Variants in RNF214 observed in about 807,000 individuals in gnomAD.
RNF214 encodes ring finger protein 214.
In RNF214, 25 loss-of-function variants were observed where a neutral mutation model predicts 75.9. That is an observed-to-expected ratio of 0.33 (90% CI 0.24 to 0.46). The LOEUF (loss-of-function observed/expected upper bound fraction) is 0.46. Ranked by LOEUF, RNF214 falls within the 20% of genes least tolerant of loss-of-function variation. The pLI, the probability that RNF214 is intolerant of heterozygous loss-of-function variation, is 1.00. For synonymous variants in RNF214, 314 were observed against 308.8 expected, an observed-to-expected ratio of 1.02 and a Z score of -0.18; for missense variants, 725 against 857.5, an observed-to-expected ratio of 0.85 and a Z score of 1.93.
At chr11:117,276,240 A>C (rs946775964) in intron 6 of RNF214, among the ~76,000 whole-genome samples, 1 of 152,204 alleles carries the variant, frequency 6.6e-6, no homozygotes, top group Non-Finnish European at 1.5e-5. Context: ...ATACCTCAAA[A>C]TAATAAAAGC....
chr11:117,264,320 C>T (rs896275159), intron 6 of RNF214, among the ~76,000 whole-genome samples: 5 of 151,192 alleles, frequency 3.3e-5, no homozygotes, highest in Admixed American at 6.6e-5. Flanking sequence ...GAGACTCCAT[C>T]TCAAAAAAAA....
chr11:117,233,243 C>T (rs1317601602), intron 1 of RNF214, among the ~76,000 whole-genome samples: 2 of 152,180 alleles, frequency 1.3e-5, no homozygotes, highest in African/African-American at 4.8e-5. Flanking sequence ...CCCCCCAGCC[C>T]TGGGCTATGT....
intron 5 of RNF214, 137 bp downstream of exon 5, chr11:117,244,722 G>A: frequency 1.6e-6 from 1 of 632,822 alleles, no homozygotes; most frequent in Non-Finnish European, 2.4e-6. Context: ...CTGGAATGTG[G>A]TAGCATAATC....
intron 6 of RNF214, among the ~76,000 whole-genome samples, chr11:117,255,117 A>C (rs1425361035): frequency 2.0e-5 from 3 of 152,028 alleles, no homozygotes; most frequent in Non-Finnish European, 4.4e-5. Context: ...GTCTATCCCA[A>C]ATTTAAATCT....
At chr11:117,241,764 T>C (rs2033086320) in intron 4 of RNF214, among the ~76,000 whole-genome samples, 1 of 152,164 alleles carries the variant, frequency 6.6e-6, no homozygotes, top group Non-Finnish European at 1.5e-5. Flanking sequence ...TAGTATTCTT[T>C]TTGATACTAT....
chr11:117,248,896 G>A (rs191541886), intron 6 of RNF214, among the ~76,000 whole-genome samples: 19 of 152,138 alleles, frequency 1.2e-4, no homozygotes, highest in African/African-American at 3.4e-4. Context: ...TCTAAGCCCC[G>A]CAGAAAATTT....
intron 5 of RNF214, among the ~76,000 whole-genome samples, chr11:117,246,199 A>G (rs1224932078): frequency 1.3e-5 from 2 of 151,934 alleles, no homozygotes; most frequent in Non-Finnish European, 2.9e-5. Flanking sequence ...TCCCGGACAC[A>G]GTGATCCTCC....
chr11:117,268,170 T>C (rs2033836649), intron 6 of RNF214, among the ~76,000 whole-genome samples: 1 of 152,244 alleles, frequency 6.6e-6, no homozygotes, highest in Admixed American at 6.5e-5. Context: ...GGAGACCACC[T>C]GTACTGGCTT....
At chr11:117,242,959 A>T (rs1048850293) in intron 4 of RNF214, among the ~76,000 whole-genome samples, 3 of 152,138 alleles carry the variant, frequency 2.0e-5, no homozygotes, top group African/African-American at 7.2e-5. Flanking sequence ...TACATTCATC[A>T]GTTGCAGAGA....
chr11:117,277,981 A>T (rs992932109), intron 6 of RNF214, among the ~76,000 whole-genome samples: 1 of 151,860 alleles, frequency 6.6e-6, no homozygotes, highest in Non-Finnish European at 1.5e-5. Flanking sequence ...CTCAAAAAAA[A>T]AAAAAGAAAA....
chr11:117,261,173 G>T (rs1000304049), intron 6 of RNF214, among the ~76,000 whole-genome samples: 6 of 152,102 alleles, frequency 3.9e-5, no homozygotes, highest in African/African-American at 7.2e-5. Context: ...CTGACTATAG[G>T]TTTTTTGTGT....
chr11:117,233,709 G>GT (rs2134347174), intron 1 of RNF214, among the ~76,000 whole-genome samples: 1 of 152,276 alleles, frequency 6.6e-6, no homozygotes, highest in African/African-American at 2.4e-5. Context: ...CAGTTAGTGG[G>GT]TATCAGGCCT....
rs778509558 is a variant in RNF214 at position 117,282,516 on chromosome 11, C to T, written c.1825C>T (p.Arg609Trp). 24 of 1,613,842 alleles carry T rather than the reference C, an allele frequency of 1.5e-5. No homozygotes were observed. Among genetic ancestry groups the T allele is most frequent in the South Asian group, 1.3e-4 (12 of 91,054 alleles). ...TGCTGCACGACTGGCAGAACATGAG[C>T]GGGTGGCAGCAAGTACTCAGGTGAG... ...LVAARLAEHE[R>W]VAASTQPLGR... Residue 609 changes from arginine (R) to tryptophan (W), a missense_variant, in exon 12 of 15, where the codon CGG (arginine) becomes TGG (tryptophan). Arg to Trp is a moderately radical substitution (Grantham distance 101). Around this residue, in one of 2 missense-constraint regions of RNF214, gnomAD observed 363 missense variants for 513.0 expected, o/e 0.71. Transcript: ENST00000300650.
At chr11:117,271,523 C>T (rs1221662558) in intron 6 of RNF214, among the ~76,000 whole-genome samples, 1 of 152,132 alleles carries the variant, frequency 6.6e-6, no homozygotes, top group Non-Finnish European at 1.5e-5. Context: ...ATGTTTTGTC[C>T]AGTTGTTTAG....
chr11:117,239,757 A>C (rs1334295131), intron 3 of RNF214, 44 bp from the exon 4 acceptor site: 1 of 1,072,866 alleles, frequency 9.3e-7, no homozygotes, highest in Non-Finnish European at 1.4e-6. Context: ...GCCTCTTTTA[A>C]AGTGTCTCTG....
intron 2 of RNF214, among the ~76,000 whole-genome samples, chr11:117,234,944 A>T (rs954067801): frequency 1.3e-5 from 2 of 152,226 alleles, no homozygotes; most frequent in African/African-American, 4.8e-5. Context: ...GGATAGGCAT[A>T]TGCCCACCCT....
At chr11:117,248,597 A>G (rs966321127) in intron 6 of RNF214, among the ~76,000 whole-genome samples, 1 of 152,194 alleles carries the variant, frequency 6.6e-6, no homozygotes, top group Non-Finnish European at 1.5e-5. Flanking sequence ...TGTGTTTGAG[A>G]GAGGGCTTGT....
intron 4 of RNF214, among the ~76,000 whole-genome samples, chr11:117,240,174 G>A (rs2134357901): frequency 6.6e-6 from 1 of 151,926 alleles, no homozygotes; most frequent in African/African-American, 2.4e-5. Flanking sequence ...GCAACACAGT[G>A]AAACACCATG....
intron 6 of RNF214, among the ~76,000 whole-genome samples, chr11:117,248,176 C>G (rs1225208896): frequency 6.6e-6 from 1 of 152,016 alleles, no homozygotes; most frequent in Non-Finnish European, 1.5e-5. Context: ...CCCGGGTTCA[C>G]GCCATTCTCC....
Sources: gnomAD v4.1 joint callset for allele counts (sites outside exome capture counted in the v4.1 genomes callset) on GRCh38, gnomAD v4.1.1 for gene constraint, gnomAD v4.1.1 regional missense constraint, MANE v1.5 for transcripts, NCBI Gene and HGNC (gene_info 2026-07-23, HGNC 2026-07-21) for gene names.